Variants in MBTPS1 observed in about 807,000 individuals in gnomAD.
MBTPS1 encodes membrane bound transcription factor peptidase, site 1, also known as membrane-bound transcription factor site-1 protease.
A neutral mutation model predicts 127.8 loss-of-function variants in MBTPS1; 94 were observed. The observed-to-expected ratio is 0.74, with a 90% CI of 0.62 to 0.87. MBTPS1 has a LOEUF of 0.87. Ranked by LOEUF, MBTPS1 falls within the 40% of genes least tolerant of loss-of-function variation. The pLI is 0.00. For synonymous variants in MBTPS1, 632 were observed against 509.4 expected, an observed-to-expected ratio of 1.24 and a Z score of -3.24; for missense variants, 1,636 against 1,353.2, an observed-to-expected ratio of 1.21 and a Z score of -3.28.
chr16:84,099,247 G>A lies in MBTPS1; in HGVS notation c.227C>T (p.Ala76Val), dbSNP rs759623208. The A allele has an allele frequency of 1.9e-6, 3 of 1,613,988 alleles. No homozygotes were observed. Among genetic ancestry groups the A allele is most frequent in the Non-Finnish European group, 2.5e-6 (3 of 1,179,916 alleles). Residue 76 changes from alanine to valine, a missense_variant, in exon 3 of 23, where the codon GCC (alanine) becomes GTC (valine). Coordinates refer to ENST00000343411, the MANE Select transcript of MBTPS1 (RefSeq NM_003791.4). ...ATTGTCTACTTCACTGCTCTTCAGG[G>A]CACTTGAAATAAATGAATTTCTAGC... ...AKARNSFISS[A>V]LKSSEVDNWR...
intron 9 of MBTPS1, among the ~76,000 whole-genome samples, 199 bp from the exon 10 acceptor site, chr16:84,085,333 G>A (rs531678813): frequency 3.2e-4 from 49 of 152,306 alleles, no homozygotes; most frequent in Non-Finnish European, 2.8e-4. Flanking sequence ...CTGGGAGGCC[G>A]AGGCAGGTGG....
chr16:84,116,621 G>GGCCCC (rs1411744298), intron 1 of MBTPS1, 114 bp downstream of exon 1: 4 of 152,086 alleles, frequency 2.6e-5, no homozygotes, highest in Admixed American at 2.0e-4. Flanking sequence ...GACCCGGCCC[G>GGCCCC]GCCCCCGCAG....
chr16:84,099,775 CAAAA>C (rs57148184), intron 2 of MBTPS1, among the ~76,000 whole-genome samples: 1 of 76,346 alleles, frequency 1.3e-5, no homozygotes, highest in African/African-American at 4.5e-5. Context: ...GCCTCCGTCT[CAAAA>C]AAAAAAAAAA....
intron 21 of MBTPS1, among the ~76,000 whole-genome samples, chr16:84,058,844 T>C (rs1358146913): frequency 6.6e-6 from 1 of 152,136 alleles, no homozygotes; most frequent in Non-Finnish European, 1.5e-5. Flanking sequence ...TCACCCCCAG[T>C]CACAGTCAGC....
At chr16:84,065,264 C>T (rs896820869) in intron 18 of MBTPS1, among the ~76,000 whole-genome samples, 15 of 151,960 alleles carry the variant, frequency 9.9e-5, no homozygotes, top group African/African-American at 2.9e-4. Context: ...ACTACAGGCG[C>T]GTGCCATCAT....
chr16:84,116,527 C>G (rs2086481582), intron 1 of MBTPS1, among the ~76,000 whole-genome samples: 1 of 152,220 alleles, frequency 6.6e-6, no homozygotes, highest in Non-Finnish European at 1.5e-5. Context: ...GAACAAGCTG[C>G]CGGAGCGCGC....
intron 1 of MBTPS1, among the ~76,000 whole-genome samples, chr16:84,110,463 G>A (rs546945567): frequency 1.3e-5 from 2 of 151,986 alleles, no homozygotes; most frequent in East Asian, 3.9e-4. Context: ...TATGTTGCTG[G>A]TGAATATTAA....
chr16:84,083,055 T>C (rs1169104380), intron 10 of MBTPS1, among the ~76,000 whole-genome samples: 3 of 152,184 alleles, frequency 2.0e-5, no homozygotes, highest in Non-Finnish European at 2.9e-5. Context: ...GAACAACCCC[T>C]CGGCTGCCCG....
intron 2 of MBTPS1, among the ~76,000 whole-genome samples, chr16:84,100,901 T>A (rs1438181964): frequency 6.7e-6 from 1 of 149,498 alleles, no homozygotes; most frequent in Non-Finnish European, 1.5e-5. Context: ...ATGCCTGTAA[T>A]CCCAGCACTT....
chr16:84,096,894 G>A (rs747551748), intron 3 of MBTPS1, among the ~76,000 whole-genome samples: 1 of 152,150 alleles, frequency 6.6e-6, no homozygotes, highest in Non-Finnish European at 1.5e-5. Context: ...ACCCTGCACA[G>A]GCCAGACTCC....
chr16:84,099,262 G>C lies in MBTPS1; in HGVS notation c.212C>G (p.Ser71Ter), dbSNP rs147669670. 6.2e-7 allele frequency: 1 copy of C among 1,613,934 alleles called. No homozygotes were observed. The highest frequency in any genetic ancestry group is 1.3e-5 in the African/African-American group (1 of 74,904). Residue 71 changes from serine to a stop codon, truncating the protein, a stop_gained, in exon 3 of 23, where the codon TCA becomes TGA. Transcript: ENST00000343411. LOFTEE classifies it high-confidence loss of function. ...GCTCTTCAGGGCACTTGAAATAAAT[G>C]AATTTCTAGCTTTGGCTGTAAAGTA... ...NGYFTAKARN[S>*]FISSALKSSE...
chr16:84,064,181 G>A (rs118003945), intron 18 of MBTPS1, among the ~76,000 whole-genome samples: 2,479 of 151,894 alleles, frequency 0.016, 36 homozygotes, highest in Non-Finnish European at 0.024. Flanking sequence ...CATGATGTAC[G>A]TCTTCAGCAG....
chr16:84,067,428 C>A (rs992556457), intron 16 of MBTPS1, among the ~76,000 whole-genome samples: 1 of 152,214 alleles, frequency 6.6e-6, no homozygotes, highest in Non-Finnish European at 1.5e-5. Context: ...TCTCAGCTCA[C>A]TGCAGCCTTG....
At chr16:84,067,859 T>C (rs2151146001) in intron 15 of MBTPS1, 36 bp from the exon 16 acceptor site, 2 of 1,589,954 alleles carry the variant, frequency 1.3e-6, no homozygotes, top group Non-Finnish European at 8.6e-7. Flanking sequence ...GAACTGTCAC[T>C]TCTGAATGAC....
At chr16:84,090,363 T>C (rs2086086987) in intron 8 of MBTPS1, among the ~76,000 whole-genome samples, 1 of 152,164 alleles carries the variant, frequency 6.6e-6, no homozygotes, top group Non-Finnish European at 1.5e-5. Flanking sequence ...CCCTCCTAAA[T>C]GATCCCTCTC....
chr16:84,088,391 C>G (rs545915608), intron 8 of MBTPS1, among the ~76,000 whole-genome samples: 16 of 151,632 alleles, frequency 1.1e-4, no homozygotes, highest in Non-Finnish European at 2.4e-4. Flanking sequence ...ACCAGCTGGT[C>G]ATTCAGAGGA....
chr16:84,072,517 C>T (rs1221177978), intron 12 of MBTPS1, among the ~76,000 whole-genome samples: 1 of 152,166 alleles, frequency 6.6e-6, no homozygotes, highest in African/African-American at 2.4e-5. Flanking sequence ...TCAGGTCAGG[C>T]GCGATGGCTC....
At chr16:84,079,229 G>A (rs927146181) in intron 11 of MBTPS1, among the ~76,000 whole-genome samples, 1 of 152,206 alleles carries the variant, frequency 6.6e-6, no homozygotes, top group East Asian at 1.9e-4. Flanking sequence ...CTGGTGCTAT[G>A]CTTCCTGTAC....
chr16:84,089,298 G>A (rs892053360), intron 8 of MBTPS1, among the ~76,000 whole-genome samples: 1 of 152,226 alleles, frequency 6.6e-6, no homozygotes. Context: ...AGCGTTCCTG[G>A]AACACAGTCA....
Sources: allele counts gnomAD v4.1 joint callset (sites outside exome capture counted in the v4.1 genomes callset), GRCh38; gene constraint gnomAD v4.1.1; transcripts MANE v1.5; gene names NCBI Gene and HGNC (gene_info 2026-07-23, HGNC 2026-07-21).